The following SORCS1 variants were observed in gnomAD, a reference collection of about 807,000 sequenced individuals.
SORCS1 encodes the protein sortilin related VPS10 domain containing receptor 1, also known as VPS10 domain-containing receptor SorCS1.
Under a neutral mutation model 146.1 loss-of-function variants are expected in SORCS1, and 60 were observed. That is an observed-to-expected ratio of 0.41 (90% CI 0.33 to 0.51). The LOEUF (loss-of-function observed/expected upper bound fraction) is 0.51. Among genes scored for constraint, SORCS1 ranks in the 20% least tolerant of loss-of-function variants. The pLI is 0.21. For missense variants in SORCS1, 1,352 were observed against 1,487.6 expected, an observed-to-expected ratio of 0.91 and a Z score of 1.50; for synonymous variants, 637 against 584.0, an observed-to-expected ratio of 1.09 and a Z score of -1.31.
At position 106,576,250 on chromosome 10, in the gene SORCS1, T is replaced by C. The variant is rs10491050; in HGVS notation, c.*1170A>G. ...TGGCATGCTTGGGAATGTACAAAACTGACAAAGGGCTCAGAAACTTGTGAG... is the reference window on the plus strand; with the variant it reads ...TGGCATGCTTGGGAATGTACAAAACCGACAAAGGGCTCAGAAACTTGTGAG... On this transcript the variant is annotated 3_prime_UTR_variant, in exon 26 of 26. Transcript: ENST00000263054. The C allele has an allele frequency of 0.049, 7,542 of 152,630 alleles. 506 individuals are homozygous for C. The highest frequency in any genetic ancestry group is 0.25 in the East Asian group (1,285 of 5,178). The allele number at this position is 152,630 out of a possible 1,614,324, so 9.5% of individuals were successfully genotyped here. A position where few individuals can be genotyped will look rare whatever the true frequency, so the allele number is the denominator to read the frequency against.
At chr10:106,854,667 T>C (rs1338403429) in intron 2 of SORCS1, among the ~76,000 whole-genome samples, 1 of 152,080 alleles carries the variant, frequency 6.6e-6, no homozygotes, top group Non-Finnish European at 1.5e-5. Flanking sequence ...TTGCAATACA[T>C]ATTTACCACT....
At chr10:107,056,882 A>C (rs1960692018) in intron 1 of SORCS1, among the ~76,000 whole-genome samples, 1 of 152,216 alleles carries the variant, frequency 6.6e-6, no homozygotes, top group Non-Finnish European at 1.5e-5. Context: ...TAATGGATAT[A>C]TTTCAAACAA....
intron 2 of SORCS1, among the ~76,000 whole-genome samples, chr10:106,871,464 C>G (rs929067091): frequency 1.7e-4 from 26 of 152,296 alleles, no homozygotes; most frequent in African/African-American, 5.8e-4. Flanking sequence ...CAGCACAATT[C>G]ACGATAGCAA....
chr10:106,653,522 A>C (rs1325979117), intron 17 of SORCS1, among the ~76,000 whole-genome samples: 1 of 152,214 alleles, frequency 6.6e-6, no homozygotes, highest in African/African-American at 2.4e-5. Context: ...ACTTTGTCAC[A>C]ACTACTTATC....
intron 18 of SORCS1, among the ~76,000 whole-genome samples, chr10:106,630,298 A>T (rs1848366282): frequency 6.6e-6 from 1 of 152,200 alleles, no homozygotes; most frequent in African/African-American, 2.4e-5. Context: ...ATTTCAAGCT[A>T]TCAAAATGAT....
intron 2 of SORCS1, among the ~76,000 whole-genome samples, chr10:106,860,061 T>C (rs779345108): frequency 3.9e-5 from 6 of 152,220 alleles, no homozygotes; most frequent in Non-Finnish European, 8.8e-5. Flanking sequence ...GCAAGAAAAC[T>C]TCAGGGCTTC....
At chr10:106,673,736 G>A (rs967843709) in intron 14 of SORCS1, among the ~76,000 whole-genome samples, 4 of 152,112 alleles carry the variant, frequency 2.6e-5, no homozygotes, top group African/African-American at 9.7e-5. Flanking sequence ...TAGTGAAAGT[G>A]ATCAGCAGAA....
At chr10:106,826,451 T>C (rs1392835900) in intron 3 of SORCS1, among the ~76,000 whole-genome samples, 1 of 152,270 alleles carries the variant, frequency 6.6e-6, no homozygotes, top group Non-Finnish European at 1.5e-5. Context: ...TTGTTCTGCA[T>C]AATTAACAGA....
chr10:107,096,399 T>A (rs1009098330), intron 1 of SORCS1, among the ~76,000 whole-genome samples: 2 of 152,248 alleles, frequency 1.3e-5, no homozygotes, highest in Non-Finnish European at 2.9e-5. Flanking sequence ...AAAGGTTAAG[T>A]AGTTACCTAT....
At chr10:106,839,695 G>A (rs1396877374) in intron 2 of SORCS1, among the ~76,000 whole-genome samples, 4 of 152,212 alleles carry the variant, frequency 2.6e-5, no homozygotes, top group Non-Finnish European at 5.9e-5. Context: ...CTAGAGAGAA[G>A]TAGCCAATGC....
Position 106,629,379 on chromosome 10 carries a change from G to A in SORCS1, c.2485C>T (p.Gln829Ter). The A allele has an allele frequency of 1.2e-6, 2 of 1,613,952 alleles. No individual in the cohort carries two copies. The highest frequency in any genetic ancestry group is 1.7e-6 in the Non-Finnish European group (2 of 1,179,872). ...AAGTCCACTTGGATGAGTGTCCGCTGAACATCACCCTGAAAAACAACCCAA... is the reference window on the plus strand; with the variant it reads ...AAGTCCACTTGGATGAGTGTCCGCTAAACATCACCCTGAAAAACAACCCAA... The part of the protein sequence containing the change: ...LMVQLEEGDV[Q>*]RTLIQVDFGD... The change falls in exon 19 of 26, where the codon CAG becomes TAG. Residue 829 changes from glutamine (Q) to a stop codon, truncating the protein, a stop_gained. Coordinates refer to ENST00000263054, the MANE Select transcript of SORCS1 (RefSeq NM_052918.5). LOFTEE classifies it high-confidence loss of function.
intron 14 of SORCS1, among the ~76,000 whole-genome samples, chr10:106,673,954 G>A (rs958822305): frequency 6.6e-6 from 1 of 151,988 alleles, no homozygotes; most frequent in Non-Finnish European, 1.5e-5. Flanking sequence ...ATTTAGCTAC[G>A]TCTCTCATTG....
At chr10:107,102,227 C>T (rs929883066) in intron 1 of SORCS1, among the ~76,000 whole-genome samples, 1 of 152,114 alleles carries the variant, frequency 6.6e-6, no homozygotes, top group South Asian at 2.1e-4. Context: ...ATTATTTAAT[C>T]TTATTATTGA....
chr10:106,714,138 A>T (rs1186454405), intron 6 of SORCS1, among the ~76,000 whole-genome samples: 1 of 143,830 alleles, frequency 7.0e-6, no homozygotes, highest in African/African-American at 2.7e-5. Flanking sequence ...TCTGCCTCAA[A>T]AAAAAAAAAA....
chr10:107,067,157 T>C (rs750309572), intron 1 of SORCS1, among the ~76,000 whole-genome samples: 3 of 152,224 alleles, frequency 2.0e-5, no homozygotes, highest in Non-Finnish European at 2.9e-5. Context: ...TCATTTTTCC[T>C]GAGTTCTGGC....
chr10:106,715,546 G>A (rs946060325), intron 6 of SORCS1, among the ~76,000 whole-genome samples: 1 of 152,186 alleles, frequency 6.6e-6, no homozygotes, highest in Admixed American at 6.5e-5. Flanking sequence ...TAGAAAATGG[G>A]AACAAACAAT....
At chr10:106,869,924 A>T (rs2137558432) in intron 2 of SORCS1, among the ~76,000 whole-genome samples, 1 of 152,268 alleles carries the variant, frequency 6.6e-6, no homozygotes, top group Middle Eastern at 3.4e-3. Context: ...AGATGACATG[A>T]TTCTATACGT....
At chr10:106,890,067 C>T (rs1951171299) in intron 2 of SORCS1, among the ~76,000 whole-genome samples, 1 of 152,070 alleles carries the variant, frequency 6.6e-6, no homozygotes, top group Non-Finnish European at 1.5e-5. Context: ...ATACAGACTT[C>T]TGGGTTCTAC....
At chr10:107,083,385 A>AT (rs1963490150) in intron 1 of SORCS1, among the ~76,000 whole-genome samples, 1 of 151,862 alleles carries the variant, frequency 6.6e-6, no homozygotes. Flanking sequence ...TTTTATTTCA[A>AT]TTTTTTCCAT....
Sources: allele counts gnomAD v4.1 joint callset (sites outside exome capture counted in the v4.1 genomes callset), GRCh38; gene constraint gnomAD v4.1.1; transcripts MANE v1.5; gene names NCBI Gene and HGNC (gene_info 2026-07-23, HGNC 2026-07-21).